CNTNAP2: variants seen among roughly 807,000 people sequenced by gnomAD.
CNTNAP2 encodes the protein contactin-associated protein-like 2.
A neutral mutation model predicts 155.2 loss-of-function variants in CNTNAP2; 98 were observed. The ratio of observed to expected loss-of-function variants is 0.63; its 90% CI spans 0.54 to 0.75. The LOEUF (loss-of-function observed/expected upper bound fraction) is 0.75. Ranked by LOEUF, CNTNAP2 falls within the 30% of genes least tolerant of loss-of-function variation. The pLI is 0.00. For missense variants in CNTNAP2, 1,727 were observed against 1,688.1 expected, an observed-to-expected ratio of 1.02 and a Z score of -0.40; for synonymous variants, 651 against 631.2, an observed-to-expected ratio of 1.03 and a Z score of -0.47.
At chr7:146,680,103 T>TAAGC (rs1800475292) in intron 1 of CNTNAP2, among the ~76,000 whole-genome samples, 2 of 152,152 alleles carry the variant, frequency 1.3e-5, no homozygotes. Flanking sequence ...AATTATTAAA[T>TAAGC]AAGCATACCT....
chr7:146,131,090 A>G (rs1349366791), intron 1 of CNTNAP2, among the ~76,000 whole-genome samples: 1 of 152,224 alleles, frequency 6.6e-6, no homozygotes, highest in East Asian at 1.9e-4. Context: ...CAATCTTTAC[A>G]TAGTTTCACA....
chr7:147,055,025 C>A (rs570415975), intron 4 of CNTNAP2, among the ~76,000 whole-genome samples: 34 of 152,210 alleles, frequency 2.2e-4, no homozygotes, highest in African/African-American at 7.7e-4. Flanking sequence ...TCAGTGTTCT[C>A]TTTTATTACC....
chr7:147,142,883 A>G (rs983237741), intron 8 of CNTNAP2, among the ~76,000 whole-genome samples: 4 of 152,134 alleles, frequency 2.6e-5, no homozygotes, highest in African/African-American at 7.2e-5. Flanking sequence ...ACTCCCTGAC[A>G]AGGATTTCCT....
intron 1 of CNTNAP2, among the ~76,000 whole-genome samples, chr7:146,144,177 GGCCTGGCTTTGTT>G (rs1386793788): frequency 1.3e-5 from 2 of 150,450 alleles, no homozygotes; most frequent in East Asian, 3.9e-4. Context: ...TTTGAGATGG[GGCCTGGCTTTGTT>G]GCCCCAGCTG....
rs539137151 is a variant in CNTNAP2 at position 147,561,291 on chromosome 7, G to A, written c.1778-847G>A. On this transcript the variant is annotated intron_variant, in intron 11 of 23. Coordinates refer to ENST00000361727, the MANE Select transcript of CNTNAP2 (RefSeq NM_014141.6). The stretch of plus-strand genomic sequence containing the variant: ...TGTATCAGGTTGACATATTTTTACC[G>A]AAAACATATCTTAGTTTTGTGAAGA... 1.3e-4 allele frequency among the ~76,000 whole-genome samples: 20 copies of A among 152,162 alleles called. No individual in the cohort carries two copies. In the East Asian group the frequency reaches 2.1e-3, roughly 16 times the overall value.
At chr7:147,536,096 A>AC (rs780716195) in intron 11 of CNTNAP2, among the ~76,000 whole-genome samples, 4 of 152,292 alleles carry the variant, frequency 2.6e-5, no homozygotes, top group Non-Finnish European at 4.4e-5. Context: ...GAACTAAGCT[A>AC]CCCAAGACAA....
At chr7:148,363,303 A>G (rs1481285772) in intron 21 of CNTNAP2, among the ~76,000 whole-genome samples, 1 of 152,228 alleles carries the variant, frequency 6.6e-6, no homozygotes, top group Non-Finnish European at 1.5e-5. Flanking sequence ...ATTATAAAAT[A>G]GGTTTTGCAT....
intron 8 of CNTNAP2, among the ~76,000 whole-genome samples, chr7:147,189,518 A>G (rs1802635285): frequency 6.6e-6 from 1 of 152,160 alleles, no homozygotes; most frequent in Admixed American, 6.5e-5. Context: ...AGAAACAACT[A>G]AATGGTGATT....
intron 3 of CNTNAP2, among the ~76,000 whole-genome samples, chr7:146,977,948 A>T (rs1323111875): frequency 1.3e-5 from 2 of 152,180 alleles, no homozygotes; most frequent in Non-Finnish European, 2.9e-5. Flanking sequence ...GGGATTGAAG[A>T]CTGTGTAAAG....
intron 8 of CNTNAP2, among the ~76,000 whole-genome samples, chr7:147,186,413 T>C (rs73740591): frequency 1.4e-3 from 215 of 152,298 alleles, no homozygotes; most frequent in Middle Eastern, 6.8e-3. Flanking sequence ...AGGCATTTAT[T>C]ATTGCCCTCA....
At chr7:146,715,221 A>G (rs775710776) in intron 1 of CNTNAP2, among the ~76,000 whole-genome samples, 27 of 151,946 alleles carry the variant, frequency 1.8e-4, no homozygotes, top group Non-Finnish European at 2.6e-4. Flanking sequence ...ATTCCCAACT[A>G]CTCAGGAGAC....
chr7:147,019,229 C>G (rs1366510540), intron 3 of CNTNAP2, among the ~76,000 whole-genome samples: 2 of 151,966 alleles, frequency 1.3e-5, no homozygotes, highest in Non-Finnish European at 2.9e-5. Context: ...GCCAGTTTAG[C>G]TGAGTGTCAA....
At chr7:146,983,993 G>A (rs1311976070) in intron 3 of CNTNAP2, among the ~76,000 whole-genome samples, 1 of 152,138 alleles carries the variant, frequency 6.6e-6, no homozygotes, top group African/African-American at 2.4e-5. Context: ...TTAGAAACAT[G>A]TGCCTGCAGG....
intron 10 of CNTNAP2, among the ~76,000 whole-genome samples, chr7:147,439,461 A>G (rs1797603285): frequency 1.3e-5 from 2 of 151,934 alleles, no homozygotes; most frequent in South Asian, 4.1e-4. Flanking sequence ...ATATTATTTC[A>G]ATTTTTTTAA....
chr7:146,508,480 C>A (rs892660642), intron 1 of CNTNAP2, among the ~76,000 whole-genome samples: 3 of 152,200 alleles, frequency 2.0e-5, no homozygotes, highest in African/African-American at 4.8e-5. Context: ...ATGTATGCAA[C>A]CTTGCCTGGA....
At chr7:148,235,311 G>C (rs1485524721) in intron 20 of CNTNAP2, among the ~76,000 whole-genome samples, 1 of 152,210 alleles carries the variant, frequency 6.6e-6, no homozygotes, top group Non-Finnish European at 1.5e-5. Context: ...TTAGCAACAT[G>C]TAGTGTGCTA....
intron 1 of CNTNAP2, among the ~76,000 whole-genome samples, chr7:146,720,890 T>C (rs1158484862): frequency 7.0e-6 from 1 of 142,768 alleles, no homozygotes; most frequent in East Asian, 2.2e-4. Flanking sequence ...ATATATACTC[T>C]CTATATATAT....
At chr7:147,344,168 G>T (rs1795808790) in intron 9 of CNTNAP2, among the ~76,000 whole-genome samples, 2 of 152,110 alleles carry the variant, frequency 1.3e-5, no homozygotes, top group South Asian at 4.1e-4. Flanking sequence ...TGACTCCAAA[G>T]AATGAGCAGT....
chr7:148,283,648 AT>A (rs111674081), intron 21 of CNTNAP2, among the ~76,000 whole-genome samples: 20,485 of 151,698 alleles, frequency 0.14, 1,673 homozygotes, highest in African/African-American at 0.23. Context: ...ATTCAGTGCC[AT>A]TTTTTTTGCA....
Sources: gnomAD v4.1 joint callset for allele counts (sites outside exome capture counted in the v4.1 genomes callset) on GRCh38, gnomAD v4.1.1 for gene constraint, MANE v1.5 for transcripts, NCBI Gene and HGNC (gene_info 2026-07-23, HGNC 2026-07-21) for gene names.